The following CNTN6 variants were observed in gnomAD, a reference collection of about 807,000 sequenced individuals.
CNTN6 encodes the protein contactin 6.
Under a neutral mutation model 122.8 loss-of-function variants are expected in CNTN6, and 137 were observed. The ratio of observed to expected loss-of-function variants is 1.12; its 90% CI spans 0.97 to 1.29. The LOEUF is 1.29. Ranked by LOEUF, CNTN6 falls within the 50% of genes most tolerant of loss-of-function variation. The probability of loss-of-function intolerance (pLI) is 0.00; values close to 1 mark genes in which losing one functional copy is unlikely to be tolerated. For synonymous variants in CNTN6, 570 were observed against 426.0 expected (o/e 1.34, Z -4.16); for missense variants, 1,634 against 1,223.4 (o/e 1.34, Z -5.01).
At chr3:1,286,844 C>T (rs1487554473) in intron 5 of CNTN6, among the ~76,000 whole-genome samples, 2 of 152,028 alleles carry the variant, frequency 1.3e-5, no homozygotes, top group Non-Finnish European at 2.9e-5. Context: ...TGCAAAGACA[C>T]ACATAGGCTC....
At chr3:1,191,142 T>C (rs1161602022) in intron 2 of CNTN6, among the ~76,000 whole-genome samples, 2 of 152,106 alleles carry the variant, frequency 1.3e-5, no homozygotes, top group African/African-American at 4.8e-5. Flanking sequence ...ATGAGCATCT[T>C]TTGTCCTAGT....
At chr3:1,140,149 T>C (rs2092575608) in intron 1 of CNTN6, among the ~76,000 whole-genome samples, 1 of 152,220 alleles carries the variant, frequency 6.6e-6, no homozygotes, top group South Asian at 2.1e-4. Flanking sequence ...TCTTGTCACC[T>C]TTTTAGGAAC....
At chr3:1,191,046 A>G (rs1404786726) in intron 2 of CNTN6, among the ~76,000 whole-genome samples, 1 of 152,208 alleles carries the variant, frequency 6.6e-6, no homozygotes, top group African/African-American at 2.4e-5. Flanking sequence ...TGCAGATAAC[A>G]TAAGAAGAAA....
At chr3:1,281,857 C>G (rs1693505358) in intron 5 of CNTN6, among the ~76,000 whole-genome samples, 1 of 152,126 alleles carries the variant, frequency 6.6e-6, no homozygotes, top group African/African-American at 2.4e-5. Context: ...TCATGTTAAA[C>G]TTGATATTAT....
chr3:1,358,280 TC>T (rs1269520974), intron 12 of CNTN6, among the ~76,000 whole-genome samples: 2 of 152,006 alleles, frequency 1.3e-5, no homozygotes, highest in African/African-American at 2.4e-5. Context: ...ATCTTTAGTT[TC>T]CTGCCCAAAC....
At chr3:1,213,761 A>G (rs2094083263) in intron 2 of CNTN6, among the ~76,000 whole-genome samples, 2 of 151,978 alleles carry the variant, frequency 1.3e-5, no homozygotes, top group Non-Finnish European at 2.9e-5. Context: ...TATTTTAGAA[A>G]ACAGAATAAA....
intron 20 of CNTN6, among the ~76,000 whole-genome samples, chr3:1,396,964 T>C (rs904815364): frequency 6.6e-5 from 10 of 152,216 alleles, no homozygotes; most frequent in African/African-American, 2.2e-4. Flanking sequence ...TGATCTTCCA[T>C]TGGAAAGTCT....
chr3:1,363,311 G>GATAT (rs142908134), intron 12 of CNTN6, among the ~76,000 whole-genome samples: 4 of 151,722 alleles, frequency 2.6e-5, no homozygotes, highest in African/African-American at 9.7e-5. Flanking sequence ...ACAGTATACA[G>GATAT]ATATATATAT....
intron 2 of CNTN6, among the ~76,000 whole-genome samples, chr3:1,150,911 C>T (rs1055005031): frequency 3.3e-5 from 5 of 152,060 alleles, no homozygotes; most frequent in African/African-American, 4.8e-5. Context: ...CAGAGGGAGA[C>T]GTGAAGATGC....
chr3:1,157,552 A>T (rs1326040464), intron 2 of CNTN6, among the ~76,000 whole-genome samples: 2 of 152,140 alleles, frequency 1.3e-5, no homozygotes, highest in African/African-American at 4.8e-5. Context: ...GTTATTATTG[A>T]CTAGAGTCAC....
intron 5 of CNTN6, among the ~76,000 whole-genome samples, chr3:1,292,896 A>G (rs543348347): frequency 1.3e-5 from 2 of 151,646 alleles, no homozygotes; most frequent in South Asian, 4.2e-4. Flanking sequence ...ATTTGCATAA[A>G]CATATCACAC....
chr3:1,397,428 CT>C (rs936779943), intron 20 of CNTN6, among the ~76,000 whole-genome samples: 1 of 151,976 alleles, frequency 6.6e-6, no homozygotes, highest in Non-Finnish European at 1.5e-5. Context: ...ATTATTGTTG[CT>C]GTTGATGATG....
At chr3:1,297,112 T>G (rs930175624) in intron 6 of CNTN6, among the ~76,000 whole-genome samples, 2 of 152,154 alleles carry the variant, frequency 1.3e-5, no homozygotes, top group African/African-American at 4.8e-5. Flanking sequence ...TCTTTGAATG[T>G]TTATAATGAT....
At chr3:1,240,693 G>T (rs1017738942) in intron 4 of CNTN6, among the ~76,000 whole-genome samples, 2 of 142,202 alleles carry the variant, frequency 1.4e-5, no homozygotes, top group Non-Finnish European at 1.5e-5. Flanking sequence ...CAGAGGAAAA[G>T]AAGTTATTAT....
chr3:1,334,581 T>A (rs1702780868), intron 11 of CNTN6, among the ~76,000 whole-genome samples: 1 of 152,108 alleles, frequency 6.6e-6, no homozygotes, highest in African/African-American at 2.4e-5. Flanking sequence ...TATGTTTTAA[T>A]GATTTGCTTG....
At chr3:1,224,806 T>C (rs1449018037) in intron 3 of CNTN6, among the ~76,000 whole-genome samples, 3 of 152,158 alleles carry the variant, frequency 2.0e-5, no homozygotes, top group African/African-American at 7.2e-5. Context: ...AGTTCAGTGA[T>C]GCAATTTTGA....
intron 4 of CNTN6, among the ~76,000 whole-genome samples, chr3:1,272,740 AG>A: frequency 6.6e-6 from 1 of 152,082 alleles, no homozygotes. Flanking sequence ...CTTCTGTGTC[AG>A]GGGCTGGCAC....
intron 20 of CNTN6, among the ~76,000 whole-genome samples, chr3:1,399,621 G>A (rs1187491249): frequency 2.6e-5 from 4 of 152,160 alleles, no homozygotes; most frequent in Admixed American, 6.6e-5. Context: ...TGGATTGGCT[G>A]TATTGTGTCA....
At chr3:1,396,280 G>T (rs537597808) in intron 20 of CNTN6, among the ~76,000 whole-genome samples, 48 of 152,228 alleles carry the variant, frequency 3.2e-4, no homozygotes, top group Non-Finnish European at 6.2e-4. Flanking sequence ...TAGTACCCCT[G>T]CCAGGCCTAT....
Sources: gnomAD v4.1 joint callset for allele counts (sites outside exome capture counted in the v4.1 genomes callset) on GRCh38, gnomAD v4.1.1 for gene constraint, MANE v1.5 for transcripts, NCBI Gene and HGNC (gene_info 2026-07-23, HGNC 2026-07-21) for gene names.